GCC2: variants seen among roughly 807,000 people sequenced by gnomAD.
GCC2 encodes GRIP and coiled-coil domain containing 2.
GCC2 carries 120 observed loss-of-function variants against 210.6 expected under a neutral mutation model. That is an observed-to-expected ratio of 0.57 (90% CI 0.49 to 0.66). The LOEUF (loss-of-function observed/expected upper bound fraction) is 0.66. GCC2 is among the 30% of genes least tolerant of loss of function. GCC2 has a pLI of 0.00. For synonymous variants in GCC2, 703 were observed against 652.7 expected, an observed-to-expected ratio of 1.08 and a Z score of -1.17; for missense variants, 1,868 against 1,871.9, an observed-to-expected ratio of 1.00 and a Z score of 0.04.
Position 108,470,658 on chromosome 2 carries a change from A to G in GCC2, c.1329A>G (p.Thr443=). ...AAGAAATATCAGAACTAAATGAGAC[A>G]TTTTTGTCAGATTCAGAAAAAGAAA... ...HQKEISELNE[T]FLSDSEKEKL... Residue 443 remains threonine (T), a synonymous_variant, in exon 6 of 23, where the codon ACA becomes ACG. Coordinates refer to ENST00000309863, the MANE Select transcript of GCC2 (RefSeq NM_181453.4). 1 of 1,612,046 alleles carries G rather than the reference A, an allele frequency of 6.2e-7. No homozygotes were observed. Among genetic ancestry groups the G allele is most frequent in the East Asian group, 2.2e-5 (1 of 44,848 alleles).
At position 108,475,810 on chromosome 2, in the gene GCC2, C is replaced by T; in HGVS notation, c.3020C>T (p.Ala1007Val). 1 of 1,601,456 alleles carries T rather than the reference C, an allele frequency of 6.2e-7. No homozygotes were observed. Among genetic ancestry groups the T allele is most frequent in the Non-Finnish European group, 8.5e-7 (1 of 1,173,436 alleles). Residue 1007 changes from alanine to valine, a missense_variant, in exon 9 of 23, where the codon GCT becomes GTT. Physicochemically the swap from Ala to Val is moderately conservative, Grantham distance 64 (BLOSUM62 0). Transcript: ENST00000309863. ...CGATCAGAAAAGGACCAGTTATCTG[C>T]TTCCATGAGAGATCTCATTCAAGGA... Reference protein sequence around the residue: ...SLRSEKDQLSASMRDLIQGAE... With the variant: ...SLRSEKDQLSVSMRDLIQGAE...
At chr2:108,452,553 T>A in intron 4 of GCC2, 87 bp downstream of exon 4, 1 of 783,008 alleles carries the variant, frequency 1.3e-6, no homozygotes, top group Non-Finnish European at 2.3e-6. Flanking sequence ...GCTTTCTGTT[T>A]CTGTTCTACT....
intron 4 of GCC2, among the ~76,000 whole-genome samples, chr2:108,459,396 A>C (rs1373193669): frequency 2.0e-5 from 3 of 152,212 alleles, no homozygotes; most frequent in Non-Finnish European, 4.4e-5. Context: ...TTTGTGGCCT[A>C]ACATATGGTC....
In GCC2 at chr2:108,471,667, G is replaced by C; in HGVS notation, c.2338G>C (p.Val780Leu). 1 of 1,613,542 alleles carries C rather than the reference G, an allele frequency of 6.2e-7. No homozygotes were observed. Among genetic ancestry groups the C allele is most frequent in the East Asian group, 2.2e-5 (1 of 44,840 alleles). The change falls in exon 6 of 23, where the codon GTT (valine) becomes CTT (leucine). Residue 780 changes from valine (V) to leucine (L), a missense_variant. Transcript: ENST00000309863. ...AGAAGACAGTGAAGAGAAAGATGTTGTTAATGTCCTACAGGCAGTCGGTGA... is the reference window on the plus strand; with the variant it reads ...AGAAGACAGTGAAGAGAAAGATGTTCTTAATGTCCTACAGGCAGTCGGTGA... ...VSEDSEEKDV[V>L]NVLQAVGESL...
chr2:108,492,823 C>G, intron 19 of GCC2, 33 bp downstream of exon 19: 1 of 1,407,528 alleles, frequency 7.1e-7, no homozygotes, highest in South Asian at 1.2e-5. Context: ...ATTAGTTGTT[C>G]ATGTTTTCAT....
At chr2:108,457,174 G>C (rs1262994082) in intron 4 of GCC2, among the ~76,000 whole-genome samples, 1 of 152,096 alleles carries the variant, frequency 6.6e-6, no homozygotes, top group Non-Finnish European at 1.5e-5. Flanking sequence ...TAAATGGTGA[G>C]AGATAGGGAC....
chr2:108,450,873 CTCTGTCTCA>C (rs2104397806), intron 2 of GCC2, among the ~76,000 whole-genome samples, 146 bp from the exon 3 acceptor site: 1 of 152,146 alleles, frequency 6.6e-6, no homozygotes, highest in South Asian at 2.1e-4. Context: ...TAGAGCGAGA[CTCTGTCTCA>C]AAAAAAAAAT....
chr2:108,455,299 G>C (rs1203254285), intron 4 of GCC2, among the ~76,000 whole-genome samples: 1 of 152,062 alleles, frequency 6.6e-6, no homozygotes, highest in Non-Finnish European at 1.5e-5. Context: ...AATTAACCAG[G>C]CATGGTGGCA....
In GCC2 at chr2:108,487,835, A is replaced by G; in HGVS notation, c.4052+15A>G. On this transcript the variant is annotated intron_variant, in intron 17 of 22. Transcript: ENST00000309863. ...AAACAAGAAAGGTAAAGTCTGAATT[A>G]AATATGCAGAGTTTTCCTCCCACAA... The G allele has an allele frequency of 6.2e-7, 1 of 1,609,410 alleles. No homozygotes were observed. The highest frequency in any genetic ancestry group is 8.5e-7 in the Non-Finnish European group (1 of 1,177,330).
chr2:108,470,260 C>CA lies in GCC2; in HGVS notation c.933dup (p.Asp312ArgfsTer21). ...AAGGAAAGCCACCTCAAATGCAAAC[C>CA]AAGACAATCAGATATGTTCTATTCT... On this transcript the variant is annotated frameshift_variant, in exon 6 of 23. Coordinates refer to ENST00000309863, the MANE Select transcript of GCC2 (RefSeq NM_181453.4). LOFTEE classifies it high-confidence loss of function. 1 of 1,613,390 alleles carries CA rather than the reference C, an allele frequency of 6.2e-7. No individual in the cohort carries two copies. Among genetic ancestry groups the CA allele is most frequent in the Non-Finnish European group, 8.5e-7 (1 of 1,179,762 alleles).
At position 108,470,172 on chromosome 2, in the gene GCC2, A is replaced by G. The variant is rs376224425; in HGVS notation, c.843A>G (p.Val281=). The change falls in exon 6 of 23, where the codon GTA becomes GTG. Residue 281 remains valine (V), a synonymous_variant. Transcript: ENST00000309863. ...TGAACGAGCTAAAAGAGAACTTAGTAAAACAATGTGAGGCAAGTGAAAAGA... is the reference window on the plus strand; with the variant it reads ...TGAACGAGCTAAAAGAGAACTTAGTGAAACAATGTGAGGCAAGTGAAAAGA... The part of the protein sequence containing the change: ...NKLNELKENL[V]KQCEASEKNI... 64 of 1,613,512 alleles carry G rather than the reference A, an allele frequency of 4.0e-5. No individual in the cohort carries two copies. The highest frequency in any genetic ancestry group is 1.3e-5 in the African/African-American group (1 of 74,934).
chr2:108,454,896 AT>A (rs368570284), intron 4 of GCC2, among the ~76,000 whole-genome samples: 13,330 of 146,820 alleles, frequency 0.091, 662 homozygotes, highest in South Asian at 0.2. Flanking sequence ...TTTCTGGGGG[AT>A]TTTTTTTTTT....
intron 21 of GCC2, among the ~76,000 whole-genome samples, chr2:108,499,333 T>A (rs1225318507): frequency 6.6e-6 from 1 of 151,544 alleles, no homozygotes; most frequent in Non-Finnish European, 1.5e-5. Context: ...ATAGTTGGAG[T>A]TCCGGTTTTC....
chr2:108,469,724 A>C lies in GCC2; in HGVS notation c.395A>C (p.Glu132Ala). ...CATATAAACTATGTGAAAGAAATTGAAAATTTGAAAAATGAGTTGATGGCA... is the reference window on the plus strand; with the variant it reads ...CATATAAACTATGTGAAAGAAATTGCAAATTTGAAAAATGAGTTGATGGCA... ...QSHINYVKEIENLKNELMAVR... is the reference protein window; with the variant it reads ...QSHINYVKEIANLKNELMAVR... Residue 132 changes from glutamate (E) to alanine (A), a missense_variant, in exon 6 of 23, where the codon GAA (glutamate) becomes GCA (alanine). This residue lies in a region of GCC2 where 1,847 missense variants were observed against 1,765.2 expected (regional missense o/e 1.05). Coordinates refer to ENST00000309863, the MANE Select transcript of GCC2 (RefSeq NM_181453.4). 6.2e-7 allele frequency: 1 copy of C among 1,612,840 alleles called. No individual in the cohort carries two copies. The highest frequency in any genetic ancestry group is 8.5e-7 in the Non-Finnish European group (1 of 1,179,122).
At chr2:108,487,569 A>G (rs1324029339) in intron 16 of GCC2, 130 bp from the exon 17 acceptor site, 1 of 872,392 alleles carries the variant, frequency 1.1e-6, no homozygotes, top group African/African-American at 1.7e-5. Flanking sequence ...TTAATCAAGA[A>G]ACCAAAAAGA....
At position 108,489,984 on chromosome 2, in the gene GCC2, CTG is replaced by C. The variant is rs771577824; in HGVS notation, c.4203_4204del (p.Ser1402GlnfsTer22). On this transcript the variant is annotated frameshift_variant, in exon 18 of 23. Transcript: ENST00000309863. LOFTEE classifies it high-confidence loss of function. ...AGGCACAACAAGATGCTGCAGGAAA[CTG>C]TGTCCAAAGAGGCGGAACTCCGGGA... is the stretch of plus-strand genomic sequence containing the variant. 2.2e-5 allele frequency: 36 copies of C among 1,607,864 alleles called. No homozygotes were observed. The highest frequency in any genetic ancestry group is 3.1e-5 in the Non-Finnish European group (36 of 1,177,710).
chr2:108,481,296 C>T (rs1166838032), intron 9 of GCC2, among the ~76,000 whole-genome samples: 3 of 152,200 alleles, frequency 2.0e-5, no homozygotes, highest in Admixed American at 1.3e-4. Context: ...TGGAATATTT[C>T]TCTCATTAGA....
chr2:108,480,135 T>C (rs1376824028), intron 9 of GCC2, among the ~76,000 whole-genome samples: 2 of 152,108 alleles, frequency 1.3e-5, no homozygotes, highest in South Asian at 2.1e-4. Flanking sequence ...ATGCATAATA[T>C]CTCAGTGGAA....
At chr2:108,462,822 C>G (rs2104429856) in intron 4 of GCC2, 1 of 151,904 alleles carries the variant, frequency 6.6e-6, no homozygotes, top group Middle Eastern at 3.4e-3. Flanking sequence ...CTCGGCCTCC[C>G]AAAGTGCTGG....
Sources: gnomAD v4.1 joint callset for allele counts (sites outside exome capture counted in the v4.1 genomes callset) on GRCh38, gnomAD v4.1.1 for gene constraint, gnomAD v4.1.1 regional missense constraint, MANE v1.5 for transcripts, NCBI Gene and HGNC (gene_info 2026-07-23, HGNC 2026-07-21) for gene names.